ITGB4: variants seen among roughly 807,000 people sequenced by gnomAD.
The protein encoded by ITGB4 is integrin subunit beta 4, also known as integrin beta-4.
In ITGB4, 159 loss-of-function variants were observed where a neutral mutation model predicts 207.6. The observed-to-expected ratio is 0.77, with a 90% CI of 0.67 to 0.87. The LOEUF (loss-of-function observed/expected upper bound fraction) is 0.87, where lower values mean the gene tolerates loss of function less well. Ranked by LOEUF, ITGB4 falls within the 40% of genes least tolerant of loss-of-function variation. The probability of loss-of-function intolerance (pLI) is 0.00; values close to 1 mark genes in which losing one functional copy is unlikely to be tolerated. For missense variants in ITGB4, 2,278 were observed against 2,546.8 expected, an observed-to-expected ratio of 0.89 and a Z score of 2.27; for synonymous variants, 1,020 against 1,062.7, an observed-to-expected ratio of 0.96 and a Z score of 0.78.
chr17:75,731,712 G>C lies in ITGB4; in HGVS notation c.1216-100G>C. 7.6e-7 allele frequency: 1 copy of C among 1,315,910 alleles called. No homozygotes were observed. 81.5% of individuals were successfully genotyped at this position (1,315,910 alleles called of 1,614,324 possible). A position where few individuals can be genotyped will look rare whatever the true frequency, so the allele number is the denominator to read the frequency against. ...AGCAGGAGCTCATTTCAGGGATCCA[G>C]ACATCTCCTAGGAACTTGGGGGCCG... On this transcript the variant is annotated intron_variant, in intron 10 of 39. Coordinates refer to ENST00000200181, the MANE Select transcript of ITGB4 (RefSeq NM_000213.5). The surrounding 1 kb of genome is among the most constrained non-coding windows in gnomAD (Gnocchi z 6.8).
Position 75,739,647 on chromosome 17 carries a change from C to T in ITGB4, c.2221-25C>T. The T allele has an allele frequency of 6.2e-7, 1 of 1,614,062 alleles. No individual in the cohort carries two copies. On this transcript the variant is annotated intron_variant, in intron 18 of 39. Transcript: ENST00000200181. The surrounding 1 kb of genome is among the most constrained non-coding windows in gnomAD (Gnocchi z 5.4). ...GGGCCAGGGCAGCTGTCTCAGGCCT[C>T]ACCCTCACCCACCTTGTCTCCTAGG...
In ITGB4 at chr17:75,729,869, C is replaced by T. The variant is rs2060811972; in HGVS notation, c.739-372C>T. ...TTAGAAAACAAAGAGCTAGCCAAGG[C>T]GTGGTGGCTCACACCTGTAATCCCA... On this transcript the variant is annotated intron_variant, in intron 7 of 39. Coordinates refer to ENST00000200181, the MANE Select transcript of ITGB4 (RefSeq NM_000213.5). This position sits in a 1 kb window ranked among gnomAD's most constrained non-coding sequence, Gnocchi z 4.4. Among the ~76,000 whole-genome samples the T allele has an allele frequency of 1.3e-5, 2 of 152,224 alleles. No homozygotes were observed. Among genetic ancestry groups the T allele is most frequent in the South Asian group, 2.1e-4 (1 of 4,834 alleles).
Position 75,732,231 on chromosome 17 carries a change from C to A in ITGB4, c.1446C>A (p.Ser482Arg), listed in dbSNP as rs8080369. ...GDFVCGQCVC[S>R]EGWSGQTCNC... ...TCGTGTGCGGACAGTGTGTGTGCAGCGAGGGCTGGTGAGTGGGGAAGGGAG... is the reference window on the plus strand; with the variant it reads ...TCGTGTGCGGACAGTGTGTGTGCAGAGAGGGCTGGTGAGTGGGGAAGGGAG... The change falls in exon 12 of 40, where the codon AGC becomes AGA. Residue 482 changes from serine to arginine, a missense_variant. Physicochemically the swap from Ser to Arg is moderately radical, Grantham distance 110. Coordinates refer to ENST00000200181, the MANE Select transcript of ITGB4 (RefSeq NM_000213.5). This position sits in a 1 kb window ranked among gnomAD's most constrained non-coding sequence, Gnocchi z 5.3. 6.2e-7 allele frequency: 1 copy of A among 1,613,818 alleles called. No homozygotes were observed. Among genetic ancestry groups the A allele is most frequent in the East Asian group, 2.2e-5 (1 of 44,878 alleles).
At position 75,754,352 on chromosome 17, in the gene ITGB4, GAT is replaced by G. The variant is rs888509877; in HGVS notation, c.4319-222_4319-221del. ...TGCCAGGGTCAGCAGTGCTCACACC[GAT>G]AGAGTGGCCGGCCAGAGGATATGGG... is the stretch of plus-strand genomic sequence containing the variant. On this transcript the variant is annotated intron_variant, in intron 33 of 39. Coordinates refer to ENST00000200181, the MANE Select transcript of ITGB4 (RefSeq NM_000213.5). The G allele has an allele frequency of 1.1e-5, 7 of 614,910 alleles. No homozygotes were observed. The African/African-American group carries it at 1.3e-4, about 11-fold the overall frequency. The allele number at this position is 614,910 out of a possible 1,614,324, so 38.1% of individuals were successfully genotyped here.
chr17:75,744,682 C>A (rs902347774), intron 26 of ITGB4, among the ~76,000 whole-genome samples: 1 of 152,238 alleles, frequency 6.6e-6, no homozygotes, highest in African/African-American at 2.4e-5. Flanking sequence ...ACCAGCATCA[C>A]CTTCACTGCT....
At chr17:75,756,305 C>A in intron 35 of ITGB4, 124 bp from the exon 36 acceptor site, 1 of 1,066,036 alleles carries the variant, frequency 9.4e-7, no homozygotes, top group Non-Finnish European at 1.4e-6. Context: ...CAACCTGTAC[C>A]CAAACCACAG....
Position 75,750,060 on chromosome 17 carries a change from G to C in ITGB4, c.3317-51G>C, listed in dbSNP as rs754081219. ...TTGAAGTGGGTCTCTGGCGCCCCCT[G>C]GTGGTGAAGGGGGATCTGAGTGGTT... On this transcript the variant is annotated intron_variant, in intron 27 of 39. Transcript: ENST00000200181. This position sits in a 1 kb window ranked among gnomAD's most constrained non-coding sequence, Gnocchi z 5.5. The C allele has an allele frequency of 2.6e-5, 42 of 1,608,918 alleles. No individual in the cohort carries two copies. Among genetic ancestry groups the C allele is most frequent in the African/African-American group, 4.0e-5 (3 of 74,806 alleles).
rs748919999 is a variant in ITGB4, at chr17:75,757,193, A to G, written c.5219-7A>G. On this transcript the variant is annotated splice_polypyrimidine_tract_variant and splice_region_variant and intron_variant, in intron 38 of 39. Coordinates refer to ENST00000200181, the MANE Select transcript of ITGB4 (RefSeq NM_000213.5). ...CACCCTCTGACTGGCCTATCTGCCC[A>G]CCCCAGGACCCTTCCCGCAGCTGGG... 1 of 1,610,726 alleles carries G rather than the reference A, an allele frequency of 6.2e-7. No individual in the cohort carries two copies. Among genetic ancestry groups the G allele is most frequent in the Non-Finnish European group, 8.5e-7 (1 of 1,179,564 alleles).
At chr17:75,734,141 T>G (rs1281837612) in intron 13 of ITGB4, among the ~76,000 whole-genome samples, 2 of 143,090 alleles carry the variant, frequency 1.4e-5, no homozygotes, top group East Asian at 2.0e-4. Flanking sequence ...TTTTTTTTTT[T>G]TTTTTTTTTT....
At position 75,752,460 on chromosome 17, in the gene ITGB4, G is replaced by C. The variant is rs2061390636; in HGVS notation, c.3991G>C (p.Asp1331His). The stretch of plus-strand genomic sequence containing the variant: ...CTGCCCTGCAGTCCCCATCATCCCT[G>C]ACATCCCTATCGTGGACGCCCAGAG... ...KRPMSIPIIP[D>H]IPIVDAQSGE... The change falls in exon 32 of 40, where the codon GAC becomes CAC. Residue 1331 changes from aspartate (D) to histidine (H), a missense_variant. Coordinates refer to ENST00000200181, the MANE Select transcript of ITGB4 (RefSeq NM_000213.5). 6.2e-7 allele frequency: 1 copy of C among 1,613,418 alleles called. No homozygotes were observed. The highest frequency in any genetic ancestry group is 1.3e-5 in the African/African-American group (1 of 74,938).
chr17:75,744,109 C>G (rs1222705035), intron 26 of ITGB4, among the ~76,000 whole-genome samples: 15 of 146,160 alleles, frequency 1.0e-4, no homozygotes, highest in African/African-American at 3.6e-4. Flanking sequence ...GCCAAGAGGG[C>G]TCGCTCTTTT....
chr17:75,737,451 T>A lies in ITGB4; in HGVS notation c.2113+7T>A. On this transcript the variant is annotated splice_region_variant and intron_variant, in intron 17 of 39. Coordinates refer to ENST00000200181, the MANE Select transcript of ITGB4 (RefSeq NM_000213.5). Reference sequence around the variant, plus strand: ...CTGGTGCACAAGAAGAAGGGTGAGCTGGTGGGGCCGGGCGCAGGGAGGGGG... The same window carrying A: ...CTGGTGCACAAGAAGAAGGGTGAGCAGGTGGGGCCGGGCGCAGGGAGGGGG... The A allele has an allele frequency of 6.4e-7, 1 of 1,553,408 alleles. No homozygotes were observed. The highest frequency in any genetic ancestry group is 1.2e-5 in the South Asian group (1 of 84,234).
intron 32 of ITGB4, among the ~76,000 whole-genome samples, chr17:75,752,993 A>T (rs1164075431): frequency 6.6e-6 from 1 of 152,204 alleles, no homozygotes; most frequent in African/African-American, 2.4e-5. Context: ...TTCCTCCTTG[A>T]TTCCCAGCAC....
At position 75,732,348 on chromosome 17, in the gene ITGB4, G is replaced by A. The variant is rs899166937; in HGVS notation, c.1454+109G>A. On this transcript the variant is annotated intron_variant, in intron 12 of 39. Coordinates refer to ENST00000200181, the MANE Select transcript of ITGB4 (RefSeq NM_000213.5). This position sits in a 1 kb window ranked among gnomAD's most constrained non-coding sequence, Gnocchi z 5.3. ...GTGCACCTTGTACACCTGGCTGGGG[G>A]TGGGGCGGCAATCAAAGAAACGGCT... is the stretch of plus-strand genomic sequence containing the variant. 1.8e-6 allele frequency: 2 copies of A among 1,082,700 alleles called. No individual in the cohort carries two copies. The highest frequency in any genetic ancestry group is 2.8e-6 in the Non-Finnish European group (2 of 712,616). The allele number at this position is 1,082,700 out of a possible 1,614,324, so 67.1% of individuals were successfully genotyped here. A position where few individuals can be genotyped will look rare whatever the true frequency, so the allele number is the denominator to read the frequency against.
At chr17:75,743,654 C>T in intron 25 of ITGB4, 59 bp from the exon 26 acceptor site, 1 of 1,611,220 alleles carries the variant, frequency 6.2e-7, no homozygotes, top group South Asian at 1.1e-5. Flanking sequence ...CACAGGAGAG[C>T]AGGAGGTGGG....
intron 26 of ITGB4, chr17:75,746,243 T>C (rs1352195571): frequency 2.0e-5 from 3 of 149,084 alleles, no homozygotes; most frequent in Non-Finnish European, 4.4e-5. Context: ...ACGGCTAATT[T>C]TGTATTTTTT....
chr17:75,732,061 T>C lies in ITGB4; in HGVS notation c.1377+88T>C. The C allele has an allele frequency of 6.2e-7, 1 of 1,604,868 alleles. No homozygotes were observed. The highest frequency in any genetic ancestry group is 1.3e-5 in the African/African-American group (1 of 74,878). Reference sequence around the variant, plus strand: ...AATGAAGCAGGACTCCTGTGCCCCATATCCCTTGTGGGGTTTCCCGAGGCA... The same window carrying C: ...AATGAAGCAGGACTCCTGTGCCCCACATCCCTTGTGGGGTTTCCCGAGGCA... On this transcript the variant is annotated intron_variant, in intron 11 of 39. Transcript: ENST00000200181. The surrounding 1 kb of genome is among the most constrained non-coding windows in gnomAD (Gnocchi z 5.3).
rs1347526920 is a variant in ITGB4, at chr17:75,739,788, C to T, written c.2254+83C>T. On this transcript the variant is annotated intron_variant, in intron 19 of 39. Transcript: ENST00000200181. This position sits in a 1 kb window ranked among gnomAD's most constrained non-coding sequence, Gnocchi z 5.4. ...GGGTGGAGGGAAGCTGAACCTGGAACGGCAGAGGCTGGAGGCTCTGGGGTC... is the reference window on the plus strand; with the variant it reads ...GGGTGGAGGGAAGCTGAACCTGGAATGGCAGAGGCTGGAGGCTCTGGGGTC... 21 of 1,609,264 alleles carry T rather than the reference C, an allele frequency of 1.3e-5. No individual in the cohort carries two copies. The highest frequency in any genetic ancestry group is 8.9e-5 in the East Asian group (4 of 44,870).
At position 75,737,346 on chromosome 17, in the gene ITGB4, C is replaced by T. The variant is rs868343801; in HGVS notation, c.2015C>T (p.Ser672Phe). Residue 672 changes from serine (S) to phenylalanine (F), a missense_variant, in exon 17 of 40, where the codon TCC becomes TTC. Ser to Phe is a radical substitution (Grantham distance 155). Transcript: ENST00000200181. ...KRAEEVVVRC[S>F]FRDEDDDCTY... The stretch of plus-strand genomic sequence containing the variant: ...GCCGAGGAGGTGGTGGTGCGCTGCT[C>T]CTTCCGGGACGAGGATGACGACTGC... 4 of 1,591,982 alleles carry T rather than the reference C, an allele frequency of 2.5e-6. No homozygotes were observed. Among genetic ancestry groups the T allele is most frequent in the Non-Finnish European group, 3.4e-6 (4 of 1,169,750 alleles).
Sources: gnomAD v4.1 joint callset for allele counts (sites outside exome capture counted in the v4.1 genomes callset) on GRCh38, gnomAD v4.1.1 for gene constraint, Gnocchi (gnomAD v3.1) non-coding constraint, MANE v1.5 for transcripts, NCBI Gene and HGNC (gene_info 2026-07-23, HGNC 2026-07-21) for gene names.